The following GPHN variants were observed in gnomAD, a reference collection of about 807,000 sequenced individuals.
GPHN encodes gephyrin.
GPHN carries 17 observed loss-of-function variants against 95.5 expected under a neutral mutation model. The ratio of observed to expected loss-of-function variants is 0.18; its 90% CI spans 0.12 to 0.27. GPHN has a LOEUF of 0.27. Ranked by LOEUF, GPHN falls within the 10% of genes least tolerant of loss-of-function variation. GPHN has a pLI of 1.00. For missense variants in GPHN, 660 were observed against 978.1 expected (o/e 0.67, Z 4.34); for synonymous variants, 320 against 322.5 (o/e 0.99, Z 0.08).
At chr14:67,392,636 C>G in the GPHN span, 23 of 1,592,970 alleles carry the variant, frequency 1.4e-5, no homozygotes, top group African/African-American at 2.7e-4. Context: ...GCCCTGGTGG[C>G]AAGAAGAACC....
intron 4 of GPHN, among the ~76,000 whole-genome samples, chr14:66,829,937 G>A (rs1596052857): frequency 6.6e-6 from 1 of 152,102 alleles, no homozygotes; most frequent in Non-Finnish European, 1.5e-5. Flanking sequence ...ATTTTTAAAT[G>A]GCTGAAAAAA....
chr14:66,811,971 G>A (rs1470147749), intron 3 of GPHN, among the ~76,000 whole-genome samples: 1 of 152,290 alleles, frequency 6.6e-6, no homozygotes, highest in Non-Finnish European at 1.5e-5. Flanking sequence ...AGAAGGCACT[G>A]GTTGATTATC....
intron 3 of GPHN, among the ~76,000 whole-genome samples, chr14:66,798,063 T>C (rs1314498677): frequency 6.6e-6 from 1 of 151,910 alleles, no homozygotes; most frequent in African/African-American, 2.4e-5. Context: ...AATGCTTTGT[T>C]AGCATCAATT....
chr14:66,886,807 G>C (rs2064220677), intron 5 of GPHN, among the ~76,000 whole-genome samples: 1 of 152,046 alleles, frequency 6.6e-6, no homozygotes, highest in Non-Finnish European at 1.5e-5. Context: ...AGGGAGAAAG[G>C]GGCTTACCAG....
chr14:67,236,772 TTTA>T, the GPHN span, among the ~76,000 whole-genome samples: 676 of 152,192 alleles, frequency 4.4e-3, 4 homozygotes, highest in Middle Eastern at 0.017. Flanking sequence ...TTTTTGTTAT[TTTA>T]TTATTTTATT....
chr14:66,724,271 AT>A (rs1249979600), intron 2 of GPHN, among the ~76,000 whole-genome samples: 1 of 151,608 alleles, frequency 6.6e-6, no homozygotes. Flanking sequence ...CTGATAGGTA[AT>A]TTTTTTTATT....
chr14:66,838,610 A>G, intron 4 of GPHN, among the ~76,000 whole-genome samples: 1 of 152,144 alleles, frequency 6.6e-6, no homozygotes, highest in East Asian at 1.9e-4. Flanking sequence ...GAAATTAACA[A>G]CAAAATATAA....
chr14:67,493,391 C>T, the GPHN span, among the ~76,000 whole-genome samples: 1 of 152,248 alleles, frequency 6.6e-6, no homozygotes, highest in Admixed American at 6.5e-5. Flanking sequence ...TTAGATTGTG[C>T]GGTCCAACCC....
chr14:66,604,379 T>C (rs930498784), intron 1 of GPHN, among the ~76,000 whole-genome samples: 2 of 152,128 alleles, frequency 1.3e-5, no homozygotes, highest in African/African-American at 4.8e-5. Context: ...AGAATATGTA[T>C]ATAGATATTT....
chr14:67,273,808 G>A, the GPHN span, among the ~76,000 whole-genome samples: 537 of 152,220 alleles, frequency 3.5e-3, 5 homozygotes, highest in African/African-American at 0.011. Context: ...TTTAATGATC[G>A]CCATTCTAAC....
At chr14:66,762,163 A>C (rs1349623112) in intron 2 of GPHN, among the ~76,000 whole-genome samples, 1 of 152,054 alleles carries the variant, frequency 6.6e-6, no homozygotes, top group African/African-American at 2.4e-5. Flanking sequence ...TTACAATGGA[A>C]TTTTACTAGT....
the GPHN span, chr14:67,398,150 T>TC: frequency 4.7e-6 from 1 of 213,932 alleles, no homozygotes; most frequent in Admixed American, 5.8e-5. Context: ...CGGTCTTTTT[T>TC]CCTTTTAGTT....
At chr14:66,994,753 G>T (rs1167829829) in intron 9 of GPHN, among the ~76,000 whole-genome samples, 5 of 152,172 alleles carry the variant, frequency 3.3e-5, no homozygotes, top group Admixed American at 3.3e-4. Flanking sequence ...ATTCAGATAT[G>T]TGTATGGCTG....
At chr14:67,243,983 TTCTCCATATTCTAAG>T in the GPHN span, among the ~76,000 whole-genome samples, 8 of 152,232 alleles carry the variant, frequency 5.3e-5, no homozygotes, top group African/African-American at 4.8e-5. Context: ...TAAAATGCTG[TTCTCCATATTCTAAG>T]TCTCCATATT....
chr14:67,428,573 A>G, the GPHN span, among the ~76,000 whole-genome samples: 1 of 152,244 alleles, frequency 6.6e-6, no homozygotes, highest in Admixed American at 6.5e-5. Flanking sequence ...TGGAAGAGCC[A>G]AGATTCCAAC....
At chr14:66,816,800 A>G (rs918709635) in intron 3 of GPHN, among the ~76,000 whole-genome samples, 1 of 152,170 alleles carries the variant, frequency 6.6e-6, no homozygotes, top group Non-Finnish European at 1.5e-5. Flanking sequence ...AATAACCAAA[A>G]TCAAAGCTGA....
chr14:67,226,377 T>C, the GPHN span, among the ~76,000 whole-genome samples: 1 of 151,794 alleles, frequency 6.6e-6, no homozygotes, highest in African/African-American at 2.4e-5. Context: ...GTTTTGTTTT[T>C]TTGAGACGGA....
At chr14:67,390,672 G>T in the GPHN span, 2 of 1,610,526 alleles carry the variant, frequency 1.2e-6, no homozygotes, top group Non-Finnish European at 8.5e-7. Context: ...CTTTGGAAGG[G>T]TCATAGTAAT....
At chr14:66,645,639 C>CCAAGAT (rs1332669639) in intron 1 of GPHN, among the ~76,000 whole-genome samples, 2 of 148,770 alleles carry the variant, frequency 1.3e-5, no homozygotes, top group Non-Finnish European at 3.0e-5. Context: ...TTGCAGTGAG[C>CCAAGAT]CAAGATCATG....
Sources: allele counts gnomAD v4.1 joint callset (sites outside exome capture counted in the v4.1 genomes callset), GRCh38; gene constraint gnomAD v4.1.1; transcripts MANE v1.5; gene names NCBI Gene and HGNC (gene_info 2026-07-23, HGNC 2026-07-21).